SLTM: variants seen among roughly 807,000 people sequenced by gnomAD.
The protein encoded by SLTM is SAFB like transcription modulator, also known as SAFB-like transcription modulator.
In SLTM, 43 loss-of-function variants were observed where a neutral mutation model predicts 134.6. That is an observed-to-expected ratio of 0.32 (90% confidence interval 0.25 to 0.41). The LOEUF is 0.41. SLTM is among the 10% of genes least tolerant of loss of function. The probability of loss-of-function intolerance (pLI) is 1.00; values close to 1 mark genes in which losing one functional copy is unlikely to be tolerated. For missense variants in SLTM, 1,055 were observed against 1,288.8 expected, an observed-to-expected ratio of 0.82 and a Z score of 2.78; for synonymous variants, 424 against 432.3, an observed-to-expected ratio of 0.98 and a Z score of 0.24.
At chr15:58,926,338 T>C (rs1220274471) in intron 2 of SLTM, among the ~76,000 whole-genome samples, 1 of 152,132 alleles carries the variant, frequency 6.6e-6, no homozygotes, top group Admixed American at 6.5e-5. Flanking sequence ...GAATCTATTT[T>C]AGTTGTTGAA....
At chr15:58,928,960 TC>T (rs2037672352) in intron 2 of SLTM, among the ~76,000 whole-genome samples, 1 of 152,218 alleles carries the variant, frequency 6.6e-6, no homozygotes, top group Admixed American at 6.5e-5. Context: ...GAAAGCATTT[TC>T]TTCTCATTTT....
Position 58,899,384 on chromosome 15 carries a change from T to A in SLTM, c.1058+85A>T. 1 of 1,083,806 alleles carries A rather than the reference T, an allele frequency of 9.2e-7. No individual in the cohort carries two copies. The allele number at this position is 1,083,806 out of a possible 1,614,324, so 67.1% of individuals were successfully genotyped here. A position where few individuals can be genotyped will look rare whatever the true frequency, so the allele number is the denominator to read the frequency against. ...CATAAGACACTAATTACTGTACATGTTCTTGAAGCCACCCCCTTAATGTAG... is the reference window on the plus strand; with the variant it reads ...CATAAGACACTAATTACTGTACATGATCTTGAAGCCACCCCCTTAATGTAG... On this transcript the variant is annotated intron_variant, in intron 7 of 20. Transcript: ENST00000380516. The surrounding 1 kb of genome is among the most constrained non-coding windows in gnomAD (Gnocchi z 5.0).
At chr15:58,885,175 T>C (rs1168462884) in intron 19 of SLTM, among the ~76,000 whole-genome samples, 2 of 152,154 alleles carry the variant, frequency 1.3e-5, no homozygotes, top group Non-Finnish European at 2.9e-5. Context: ...AGGTGCTACA[T>C]CCATAACTAT....
At chr15:58,920,263 G>A (rs941659456) in intron 2 of SLTM, among the ~76,000 whole-genome samples, 1 of 151,950 alleles carries the variant, frequency 6.6e-6, no homozygotes, top group South Asian at 2.1e-4. Context: ...GGAGGTTGCG[G>A]TAAGCTGAGA....
intron 9 of SLTM, among the ~76,000 whole-genome samples, chr15:58,895,332 C>T (rs369209054): frequency 3.3e-5 from 5 of 152,148 alleles, no homozygotes; most frequent in Admixed American, 6.6e-5. Flanking sequence ...ATGCATCCCC[C>T]GAAAAACACC....
At position 58,890,442 on chromosome 15, in the gene SLTM, T is replaced by C. The variant is rs751910522; in HGVS notation, c.1918A>G (p.Arg640Gly). ...ELRRRREIAE[R>G]ERRERERIRI... Reference sequence around the variant, plus strand: ...ATGCGTTCTCGCTCTCGACGCTCTCTCTCTGCAATCTCTCTTCGTCTACCA... The same window carrying C: ...ATGCGTTCTCGCTCTCGACGCTCTCCCTCTGCAATCTCTCTTCGTCTACCA... Residue 640 changes from arginine to glycine, a missense_variant, in exon 15 of 21, where the codon AGA (arginine) becomes GGA (glycine). Around this residue, in one of 3 missense-constraint regions of SLTM, gnomAD observed 776 missense variants for 962.2 expected, o/e 0.81. Transcript: ENST00000380516. The C allele has an allele frequency of 8.1e-6, 13 of 1,613,842 alleles. No individual in the cohort carries two copies. Among genetic ancestry groups the C allele is most frequent in the South Asian group, 1.1e-5 (1 of 91,050 alleles).
chr15:58,927,386 C>T (rs1462248505), intron 2 of SLTM, among the ~76,000 whole-genome samples: 3 of 152,260 alleles, frequency 2.0e-5, no homozygotes, highest in African/African-American at 4.8e-5. Context: ...TCTCCTGCCT[C>T]GGCCTCCCAA....
chr15:58,895,707 T>C (rs2035028125), intron 9 of SLTM, among the ~76,000 whole-genome samples: 1 of 152,180 alleles, frequency 6.6e-6, no homozygotes, highest in Non-Finnish European at 1.5e-5. Context: ...AACATTAAAA[T>C]ATTGTTTTCA....
intron 2 of SLTM, among the ~76,000 whole-genome samples, chr15:58,928,684 G>A (rs917456104): frequency 1.2e-4 from 18 of 151,980 alleles, no homozygotes; most frequent in Non-Finnish European, 2.4e-4. Context: ...AAAAGAATAA[G>A]CTCAATGTTT....
chr15:58,902,542 T>C (rs2035558682), intron 5 of SLTM, among the ~76,000 whole-genome samples: 8 of 151,018 alleles, frequency 5.3e-5, no homozygotes, highest in East Asian at 2.0e-4. Context: ...TGTGCCACCA[T>C]GTCCAGCGAA....
chr15:58,909,777 G>C (rs1311488971), intron 5 of SLTM, among the ~76,000 whole-genome samples: 1 of 152,158 alleles, frequency 6.6e-6, no homozygotes. Flanking sequence ...ATAAACAAAG[G>C]AATATGTTGA....
chr15:58,930,523 A>C (rs1434333037), intron 2 of SLTM, among the ~76,000 whole-genome samples: 19 of 151,856 alleles, frequency 1.3e-4, no homozygotes, highest in African/African-American at 4.1e-4. Flanking sequence ...AAAGAAAAAA[A>C]TTAGCAAACA....
chr15:58,890,189 C>T (rs1370114865), intron 15 of SLTM, 92 bp downstream of exon 15: 29 of 1,411,106 alleles, frequency 2.1e-5, no homozygotes, highest in South Asian at 1.4e-4. Flanking sequence ...ATTCTATAGA[C>T]GCTTTACAAC....
At position 58,913,654 on chromosome 15, in the gene SLTM, T is replaced by C; in HGVS notation, c.358A>G (p.Asn120Asp). Residue 120 changes from asparagine to aspartate, a missense_variant, in exon 4 of 21, where the codon AAT becomes GAT. By Grantham distance (23) the Asn-to-Asp change is conservative. This residue lies in a region of SLTM where 268 missense variants were observed against 284.3 expected (regional missense o/e 0.94). Transcript: ENST00000380516. Reference protein sequence around the residue: ...ENQEAHEQDGNDELKDSEEFG... With the variant: ...ENQEAHEQDGDDELKDSEEFG... ...TCTTCAGAGTCCTTTAGTTCATCAT[T>C]TCCATCTTGCTCATGTGCCTCTTGA... 1 of 1,613,680 alleles carries C rather than the reference T, an allele frequency of 6.2e-7. No individual in the cohort carries two copies. Among genetic ancestry groups the C allele is most frequent in the South Asian group, 1.1e-5 (1 of 91,066 alleles).
chr15:58,917,158 A>T (rs1319614452), intron 2 of SLTM, 159 bp from the exon 3 acceptor site: 1 of 607,374 alleles, frequency 1.6e-6, no homozygotes, highest in Non-Finnish European at 2.8e-6. Flanking sequence ...TGTCCCAAAC[A>T]AAAAAAGCTT....
chr15:58,923,728 G>A lies in SLTM; in HGVS notation c.251-6729C>T, dbSNP rs138534050. On this transcript the variant is annotated intron_variant, in intron 2 of 20. Transcript: ENST00000380516. ...TCCTACAGGGAATCTAGCAACTGCC[G>A]CAAAACTGTGAAAGTGGCATGACCA... 8.0e-3 allele frequency among the ~76,000 whole-genome samples: 1,198 copies of A among 149,168 alleles called. 6 individuals carry two copies. The highest frequency in any genetic ancestry group is 0.01 in the Non-Finnish European group (703 of 67,484).
chr15:58,893,814 A>G lies in SLTM; in HGVS notation c.1648+7T>C. 1.2e-6 allele frequency: 2 copies of G among 1,604,304 alleles called. No homozygotes were observed. Among genetic ancestry groups the G allele is most frequent in the African/African-American group, 2.7e-5 (2 of 74,178 alleles). Reference sequence around the variant, plus strand: ...TTAGAAAGGGATTGAAAAGATGTATAGCATACTTATTCGCTTCTTTTCTTC... The same window carrying G: ...TTAGAAAGGGATTGAAAAGATGTATGGCATACTTATTCGCTTCTTTTCTTC... On this transcript the variant is annotated splice_region_variant and intron_variant, in intron 12 of 20. Coordinates refer to ENST00000380516, the MANE Select transcript of SLTM (RefSeq NM_024755.4).
chr15:58,894,218 A>G, intron 10 of SLTM, 25 bp from the exon 11 acceptor site: 1 of 1,548,650 alleles, frequency 6.5e-7, no homozygotes. Context: ...CCAGAAAAAC[A>G]ATTTGTACAT....
chr15:58,919,112 C>T (rs189595399), intron 2 of SLTM, among the ~76,000 whole-genome samples: 19 of 152,160 alleles, frequency 1.2e-4, no homozygotes, highest in Non-Finnish European at 2.5e-4. Context: ...GGGGTTTCAC[C>T]GTGTTAGCCA....
Sources: allele counts gnomAD v4.1 joint callset (sites outside exome capture counted in the v4.1 genomes callset), GRCh38; gene constraint gnomAD v4.1.1; regional missense constraint gnomAD v4.1.1; non-coding constraint Gnocchi (gnomAD v3.1); transcripts MANE v1.5; gene names NCBI Gene and HGNC (gene_info 2026-07-23, HGNC 2026-07-21).